The following STK38 variants were observed in gnomAD, a reference collection of about 807,000 sequenced individuals.
STK38 encodes serine/threonine kinase 38.
Under a neutral mutation model 59.0 loss-of-function variants are expected in STK38, and 26 were observed. That is an observed-to-expected ratio of 0.44 (90% CI 0.32 to 0.61). STK38 has a LOEUF of 0.61. Ranked by LOEUF, STK38 falls within the 20% of genes least tolerant of loss-of-function variation. STK38 has a pLI of 0.04. For synonymous variants in STK38, 175 were observed against 176.6 expected, an observed-to-expected ratio of 0.99 and a Z score of 0.07; for missense variants, 433 against 566.0, an observed-to-expected ratio of 0.76 and a Z score of 2.38.
rs578000914 is a variant in STK38, at chr6:36,512,085, A to C, written c.669+3253T>G. The stretch of plus-strand genomic sequence containing the variant: ...AAAACAAACAAACAAAAAAAGCAAG[A>C]AAGAAAGAAAGTAAAACTTTTTAAA... On this transcript the variant is annotated intron_variant, in intron 7 of 13. Transcript: ENST00000229812. Among the ~76,000 whole-genome samples the C allele has an allele frequency of 1.8e-4, 28 of 152,272 alleles. No homozygotes were observed. In the East Asian group the frequency reaches 2.5e-3, roughly 14 times the overall value.
intron 9 of STK38, among the ~76,000 whole-genome samples, chr6:36,500,652 C>T (rs1029746706): frequency 1.4e-5 from 2 of 147,644 alleles, no homozygotes; most frequent in East Asian, 2.1e-4. Flanking sequence ...CCTAGCTTCT[C>T]GGGAGGCTGA....
At chr6:36,514,018 G>A (rs1777182680) in intron 7 of STK38, among the ~76,000 whole-genome samples, 1 of 151,846 alleles carries the variant, frequency 6.6e-6, no homozygotes, top group African/African-American at 2.4e-5. Flanking sequence ...AGCTGGGTGT[G>A]GTGGCGGGCG....
intron 2 of STK38, among the ~76,000 whole-genome samples, chr6:36,526,275 TG>T (rs1363555684): frequency 2.6e-5 from 4 of 151,418 alleles, no homozygotes; most frequent in African/African-American, 4.8e-5. Flanking sequence ...ACAAAACAGC[TG>T]GTATTTGATA....
intron 2 of STK38, among the ~76,000 whole-genome samples, chr6:36,539,769 A>T (rs1183854795): frequency 7.8e-6 from 1 of 127,566 alleles, no homozygotes; most frequent in Non-Finnish European, 1.7e-5. Flanking sequence ...TTTTTTTTTA[A>T]GATACAGAGT....
chr6:36,525,838 T>C (rs911358918), intron 2 of STK38, among the ~76,000 whole-genome samples, 196 bp from the exon 3 acceptor site: 2 of 151,800 alleles, frequency 1.3e-5, no homozygotes, highest in African/African-American at 4.8e-5. Flanking sequence ...CTACTTTTTT[T>C]TGGCGGGGGG....
chr6:36,513,999 C>T (rs1777181838), intron 7 of STK38, among the ~76,000 whole-genome samples: 2 of 150,974 alleles, frequency 1.3e-5, no homozygotes, highest in South Asian at 4.2e-4. Context: ...ACTAAAAATA[C>T]AAAAAATTAG....
intron 1 of STK38, among the ~76,000 whole-genome samples, chr6:36,546,698 C>G (rs542728629): frequency 4.6e-4 from 70 of 152,172 alleles, no homozygotes; most frequent in Non-Finnish European, 8.4e-4. Context: ...TGATTTGAAG[C>G]TTATCTGAAG....
chr6:36,506,743 T>C (rs754590972), intron 8 of STK38, 99 bp from the exon 9 acceptor site: 13 of 1,090,346 alleles, frequency 1.2e-5, no homozygotes, highest in Middle Eastern at 2.7e-4. Flanking sequence ...CCTAAAGTCT[T>C]GCTTTTCTTC....
In STK38 at chr6:36,515,402, G is replaced by C; in HGVS notation, c.605C>G (p.Ser202Cys). Residue 202 changes from serine to cysteine, a missense_variant, in exon 7 of 14, where the codon TCT (serine) becomes TGT (cysteine). By Grantham distance (112) the Ser-to-Cys change is moderately radical (BLOSUM62 -1). This residue lies in a region of STK38 where 293 missense variants were observed against 388.2 expected (regional missense o/e 0.75). Transcript: ENST00000229812. ...GTGGATGAATCCAAGTTGGTGAATAGAGTCTATGGCTAATACTGTTTCTGC... is the reference window on the plus strand; with the variant it reads ...GTGGATGAATCCAAGTTGGTGAATACAGTCTATGGCTAATACTGTTTCTGC... Reference protein sequence around the residue: ...YIAETVLAIDSIHQLGFIHRD... With the variant: ...YIAETVLAIDCIHQLGFIHRD... 2.5e-6 allele frequency: 4 copies of C among 1,614,094 alleles called. No homozygotes were observed. The highest frequency in any genetic ancestry group is 3.4e-6 in the Non-Finnish European group (4 of 1,180,026).
At chr6:36,510,563 GCAC>G (rs1777084928) in intron 7 of STK38, among the ~76,000 whole-genome samples, 1 of 152,162 alleles carries the variant, frequency 6.6e-6, no homozygotes, top group Non-Finnish European at 1.5e-5. Context: ...AGCCCTGACC[GCAC>G]CTCCCCCACT....
At chr6:36,518,789 T>C (rs1243428580) in intron 5 of STK38, among the ~76,000 whole-genome samples, 1 of 152,224 alleles carries the variant, frequency 6.6e-6, no homozygotes, top group East Asian at 1.9e-4. Context: ...TTATTAAGAC[T>C]CAGTCCAATC....
At position 36,533,081 on chromosome 6, in the gene STK38, AAG is replaced by A. The variant is rs1331538576; in HGVS notation, c.131+6989_131+6990del. On this transcript the variant is annotated intron_variant, in intron 2 of 13. Coordinates refer to ENST00000229812, the MANE Select transcript of STK38 (RefSeq NM_007271.4). The stretch of plus-strand genomic sequence containing the variant: ...ACTCCATCTCAAAAAAAAAAAAAAA[AAG>A]GGGTACACAACAAAAAAAGATCTAC... 5.0e-3 allele frequency among the ~76,000 whole-genome samples: 759 copies of A among 150,378 alleles called. 11 individuals are homozygous for A. Among genetic ancestry groups the A allele is most frequent in the African/African-American group, 0.017 (712 of 40,750 alleles).
intron 2 of STK38, among the ~76,000 whole-genome samples, chr6:36,535,907 T>C (rs531098122): frequency 1.3e-4 from 20 of 149,732 alleles, no homozygotes; most frequent in South Asian, 1.1e-3. Context: ...CATAATTCCA[T>C]TGGGCTTTTC....
At chr6:36,538,685 A>T (rs899603677) in intron 2 of STK38, among the ~76,000 whole-genome samples, 2 of 152,190 alleles carry the variant, frequency 1.3e-5, no homozygotes, top group Non-Finnish European at 2.9e-5. Context: ...AGAGGTCAAG[A>T]GATCAAGACC....
At chr6:36,511,426 G>A (rs1363251358) in intron 7 of STK38, among the ~76,000 whole-genome samples, 1 of 151,294 alleles carries the variant, frequency 6.6e-6, no homozygotes, top group Admixed American at 6.6e-5. Flanking sequence ...GCGCCATCTT[G>A]GCTCACTGCA....
At chr6:36,513,057 T>C (rs896538205) in intron 7 of STK38, among the ~76,000 whole-genome samples, 3 of 151,982 alleles carry the variant, frequency 2.0e-5, no homozygotes, top group African/African-American at 4.8e-5. Context: ...TCTTGCTCTG[T>C]CCCCCAGGCT....
intron 2 of STK38, among the ~76,000 whole-genome samples, chr6:36,531,254 T>G (rs1203527554): frequency 6.6e-6 from 1 of 152,174 alleles, no homozygotes; most frequent in African/African-American, 2.4e-5. Flanking sequence ...AACATAGAAA[T>G]TCTCAGTAAA....
At position 36,496,334 on chromosome 6, in the gene STK38, G is replaced by T. The variant is rs546924795; in HGVS notation, c.1267+377C>A. On this transcript the variant is annotated intron_variant, in intron 13 of 13. Transcript: ENST00000229812. Reference sequence around the variant, plus strand: ...TGGGGTTTCAGGCATGAGCCACCGCGCCTGGCCTCACTCTATGAATTTTCC... The same window carrying T: ...TGGGGTTTCAGGCATGAGCCACCGCTCCTGGCCTCACTCTATGAATTTTCC... Among the ~76,000 whole-genome samples, 3 of 152,136 alleles carry T rather than the reference G, an allele frequency of 2.0e-5. No homozygotes were observed. In the East Asian group the frequency reaches 5.8e-4, roughly 29 times the overall value.
chr6:36,540,279 T>C (rs778456157), intron 1 of STK38, 72 bp from the exon 2 acceptor site: 197 of 1,443,068 alleles, frequency 1.4e-4, no homozygotes, highest in Admixed American at 8.0e-4. Flanking sequence ...TCCTACCCTA[T>C]TGGTAGGAAT....
Sources: gnomAD v4.1 joint callset for allele counts (sites outside exome capture counted in the v4.1 genomes callset) on GRCh38, gnomAD v4.1.1 for gene constraint, gnomAD v4.1.1 regional missense constraint, MANE v1.5 for transcripts, NCBI Gene and HGNC (gene_info 2026-07-23, HGNC 2026-07-21) for gene names.